Variants in EEF1A2 observed in about 807,000 individuals in gnomAD.
EEF1A2 encodes the protein elongation factor 1-alpha 2.
EEF1A2 carries 5 observed loss-of-function variants against 39.3 expected under a neutral mutation model. The observed-to-expected ratio is 0.13, with a 90% CI of 0.07 to 0.27. EEF1A2 has a LOEUF of 0.27. EEF1A2 is among the 10% of genes least tolerant of loss of function. EEF1A2 has a pLI of 1.00. For synonymous variants in EEF1A2, 287 were observed against 293.7 expected, an observed-to-expected ratio of 0.98 and a Z score of 0.23; for missense variants, 218 against 681.4, an observed-to-expected ratio of 0.32 and a Z score of 7.57.
chr20:63,493,357 G>T, intron 4 of EEF1A2, 70 bp from the exon 5 acceptor site: 1 of 1,443,466 alleles, frequency 6.9e-7, no homozygotes, highest in Non-Finnish European at 9.2e-7. Flanking sequence ...GCCTCCCCAG[G>T]GTGCTTCCAG....
In EEF1A2 at chr20:63,492,989, A is replaced by G; in HGVS notation, c.772+148T>C. ...GGTGGGGAGGTGGGTGGATGGATGG[A>G]TGGATGTGGGATGGACTGTCCCACA... On this transcript the variant is annotated intron_variant, in intron 5 of 7. Coordinates refer to ENST00000217182, the MANE Select transcript of EEF1A2 (RefSeq NM_001958.5). 1.4e-5 allele frequency: 15 copies of G among 1,087,814 alleles called. No homozygotes were observed. The South Asian group carries it at 2.7e-4, about 20-fold the overall frequency. 67.4% of individuals were successfully genotyped at this position (1,087,814 alleles called of 1,614,324 possible). A position where few individuals can be genotyped will look rare whatever the true frequency, so the allele number is the denominator to read the frequency against.
intron 2 of EEF1A2, chr20:63,496,292 G>A: frequency 1.9e-6 from 1 of 536,742 alleles, no homozygotes; most frequent in Non-Finnish European, 3.3e-6. Flanking sequence ...GTGGCGCAAG[G>A]GCCTGGGAGT....
chr20:63,495,332 G>A lies in EEF1A2; in HGVS notation c.325-231C>T, dbSNP rs142059873. ...GTTCAGCCCTGGCTCCACCACCAGT[G>A]GGCTGTGTGTCCCTGGACAAGTCAC... On this transcript the variant is annotated intron_variant, in intron 3 of 7. Coordinates refer to ENST00000217182, the MANE Select transcript of EEF1A2 (RefSeq NM_001958.5). Among the ~76,000 whole-genome samples the A allele has an allele frequency of 0.02, 3,044 of 152,358 alleles. 45 individuals carry two copies. The highest frequency in any genetic ancestry group is 0.028 in the Non-Finnish European group (1,935 of 68,020).
At chr20:63,495,479 G>A (rs542445740) in intron 3 of EEF1A2, among the ~76,000 whole-genome samples, 14 of 152,310 alleles carry the variant, frequency 9.2e-5, no homozygotes, top group African/African-American at 2.6e-4. Flanking sequence ...GTGTCCGTGC[G>A]TCTCTGTGAG....
At chr20:63,492,472 AGATG>A (rs1568996217) in intron 5 of EEF1A2, among the ~76,000 whole-genome samples, 18 of 39,448 alleles carry the variant, frequency 4.6e-4, no homozygotes, top group South Asian at 2.1e-3. Flanking sequence ...ATGGATGGAG[AGATG>A]GATGGATGGA....
At position 63,497,835 on chromosome 20, in the gene EEF1A2, CTG is replaced by C; in HGVS notation, c.-71-3_-71-2del. The C allele has an allele frequency of 6.4e-7, 1 of 1,557,006 alleles. No homozygotes were observed. The highest frequency in any genetic ancestry group is 1.2e-5 in the South Asian group (1 of 82,310). Reference sequence around the variant, plus strand: ...CAGGGCGAGGGGGGCTGCAGTGATTCTGTGGGGCCAGTGGTGGTGGGGAGACC... The same window carrying C: ...CAGGGCGAGGGGGGCTGCAGTGATTCTGGGGCCAGTGGTGGTGGGGAGACC... On this transcript the variant is annotated splice_acceptor_variant and splice_polypyrimidine_tract_variant and intron_variant, in intron 1 of 7. Transcript: ENST00000217182. LOFTEE classifies it low-confidence loss of function (5UTR_SPLICE). This position sits in a 1 kb window ranked among gnomAD's most constrained non-coding sequence, Gnocchi z 7.3.
In EEF1A2 at chr20:63,494,944, G is replaced by T. The variant is rs775835714; in HGVS notation, c.482C>A (p.Ala161Asp). 4 of 1,612,802 alleles carry T rather than the reference G, an allele frequency of 2.5e-6. No homozygotes were observed. Among genetic ancestry groups the T allele is most frequent in the Non-Finnish European group, 3.4e-6 (4 of 1,179,990 alleles). ...GVNKMDSTEP[A>D]YSEKRYDEIV... ...CTCGTCGTAGCGCTTCTCGCTGTAG[G>T]CCGGCTCTGTGGAGTCCATTTTGTT... The change falls in exon 4 of 8, where the codon GCC (alanine) becomes GAC (aspartate). Residue 161 changes from alanine to aspartate, a missense_variant. Transcript: ENST00000217182.
At chr20:63,495,179 C>T in intron 3 of EEF1A2, 78 bp from the exon 4 acceptor site, 2 of 1,538,602 alleles carry the variant, frequency 1.3e-6, no homozygotes, top group Non-Finnish European at 1.7e-6. Context: ...CACCTCACTT[C>T]CAGGCCTCTC....
Position 63,498,958 on chromosome 20 carries a change from T to G in EEF1A2, c.-72+100A>C, listed in dbSNP as rs181882707. ...GACTCCGGGCGCGCGCGGGGGCGGGTGCGGGGCCCGGCCACCCTCTGCCCC... is the reference window on the plus strand; with the variant it reads ...GACTCCGGGCGCGCGCGGGGGCGGGGGCGGGGCCCGGCCACCCTCTGCCCC... On this transcript the variant is annotated intron_variant, in intron 1 of 7. Transcript: ENST00000217182. This position sits in a 1 kb window ranked among gnomAD's most constrained non-coding sequence, Gnocchi z 4.1. 17,714 of 141,120 alleles carry G rather than the reference T, an allele frequency of 0.13. 1,694 individuals carry two copies. The highest frequency in any genetic ancestry group is 0.49 in the East Asian group (2,371 of 4,866). The allele number at this position is 141,120 out of a possible 1,614,324, so 8.7% of individuals were successfully genotyped here.
chr20:63,492,296 AGGTGGGTGAGTGGAT>A (rs2082388095), intron 5 of EEF1A2, among the ~76,000 whole-genome samples: 2 of 119,048 alleles, frequency 1.7e-5, no homozygotes, highest in African/African-American at 3.3e-5. Context: ...ATGGGTGGGT[AGGTGGGTGAGTGGAT>A]GAATGGATGG....
In EEF1A2 at chr20:63,495,929, T is replaced by G; in HGVS notation, c.251A>C (p.Lys84Thr). Residue 84 changes from lysine to threonine, a missense_variant, in exon 3 of 8, where the codon AAG (lysine) becomes ACG (threonine). By Grantham distance (78) the Lys-to-Thr change is moderately conservative (BLOSUM62 -1). Around this residue, in one of 4 missense-constraint regions of EEF1A2, gnomAD observed 28 missense variants for 156.2 expected, o/e 0.18. Transcript: ENST00000217182. Reference sequence around the variant, plus strand: ...GGCATCGATGATGGTGATGTAGTACTTGGTGGTCTCGAACTTCCAGAGGGA... The same window carrying G: ...GGCATCGATGATGGTGATGTAGTACGTGGTGGTCTCGAACTTCCAGAGGGA... ...DISLWKFETTKYYITIIDAPG... is the reference protein window; with the variant it reads ...DISLWKFETTTYYITIIDAPG... 6.2e-7 allele frequency: 1 copy of G among 1,613,384 alleles called. No homozygotes were observed. Among genetic ancestry groups the G allele is most frequent in the Non-Finnish European group, 8.5e-7 (1 of 1,179,964 alleles).
rs181488381 is a variant in EEF1A2, at chr20:63,497,593, G to A, written c.144+27C>T. ...GGAGTTGGGGGTTCCTTCTCAGGGGGCCAAGACCATAGCCTGGGGAGCTCA... is the reference window on the plus strand; with the variant it reads ...GGAGTTGGGGGTTCCTTCTCAGGGGACCAAGACCATAGCCTGGGGAGCTCA... On this transcript the variant is annotated intron_variant, in intron 2 of 7. Transcript: ENST00000217182. The surrounding 1 kb of genome is among the most constrained non-coding windows in gnomAD (Gnocchi z 7.3). 1.5e-3 allele frequency: 2,373 copies of A among 1,603,300 alleles called. 24 individuals are homozygous for A. The African/African-American group carries it at 0.027, about 18-fold the overall frequency.
intron 4 of EEF1A2, among the ~76,000 whole-genome samples, chr20:63,494,400 C>T (rs1443425544): frequency 6.6e-6 from 1 of 152,216 alleles, no homozygotes; most frequent in Admixed American, 6.5e-5. Flanking sequence ...GGGGAGGCAG[C>T]CAAGGAGGCC....
In EEF1A2 at chr20:63,495,768, T is replaced by C. The variant is rs310618; in HGVS notation, c.324+88A>G. The C allele has an allele frequency of 0.36, 551,799 of 1,511,994 alleles. 109,392 individuals carry two copies. Among genetic ancestry groups the C allele is most frequent in the African/African-American group, 0.72 (52,545 of 72,890 alleles). The allele number at this position is 1,511,994 out of a possible 1,614,324, so 93.7% of individuals were successfully genotyped here. On this transcript the variant is annotated intron_variant, in intron 3 of 7. Coordinates refer to ENST00000217182, the MANE Select transcript of EEF1A2 (RefSeq NM_001958.5). ...CCCTCACAGGAAGCACAGGAGACCC[T>C]ACCATCCCAGTGACCCCAGGGGCCC...
rs1413300608 is a variant in EEF1A2 at position 63,497,160 on chromosome 20, C to G, written c.144+460G>C. On this transcript the variant is annotated intron_variant, in intron 2 of 7. Coordinates refer to ENST00000217182, the MANE Select transcript of EEF1A2 (RefSeq NM_001958.5). This position sits in a 1 kb window ranked among gnomAD's most constrained non-coding sequence, Gnocchi z 7.3. The stretch of plus-strand genomic sequence containing the variant: ...GGCTGCCCTGGACAGCAGCCCTCCA[C>G]AGCCCAGCACAAGAAAATGGAGCAG... 1 of 153,924 alleles carries G rather than the reference C, an allele frequency of 6.5e-6. No individual in the cohort carries two copies. The highest frequency in any genetic ancestry group is 1.4e-5 in the Non-Finnish European group (1 of 69,394). 9.5% of individuals were successfully genotyped at this position (153,924 alleles called of 1,614,324 possible). A position where few individuals can be genotyped will look rare whatever the true frequency, so the allele number is the denominator to read the frequency against.
chr20:63,492,941 G>A (rs890540403), intron 5 of EEF1A2, among the ~76,000 whole-genome samples, 196 bp downstream of exon 5: 2 of 142,314 alleles, frequency 1.4e-5, no homozygotes, highest in Non-Finnish European at 3.1e-5. Flanking sequence ...TGGATGGGTG[G>A]ATGGATGGAC....
chr20:63,490,362 G>T, intron 6 of EEF1A2, 117 bp downstream of exon 6: 1 of 1,367,600 alleles, frequency 7.3e-7, no homozygotes, highest in Admixed American at 2.3e-5. Context: ...ACTGCGCCCA[G>T]CCTGAGGGTC....
At chr20:63,496,248 C>T (rs902931111) in intron 2 of EEF1A2, 2 of 596,638 alleles carry the variant, frequency 3.4e-6, no homozygotes, top group Admixed American at 6.2e-5. Context: ...GCACCTGCTC[C>T]GAAATGGGCG....
chr20:63,488,706 G>A (rs1187223155), intron 7 of EEF1A2, among the ~76,000 whole-genome samples: 1 of 152,188 alleles, frequency 6.6e-6, no homozygotes. Flanking sequence ...TCGGGGCCTC[G>A]TCTGCACACA....
Sources: allele counts gnomAD v4.1 joint callset (sites outside exome capture counted in the v4.1 genomes callset), GRCh38; gene constraint gnomAD v4.1.1; regional missense constraint gnomAD v4.1.1; non-coding constraint Gnocchi (gnomAD v3.1); transcripts MANE v1.5; gene names NCBI Gene and HGNC (gene_info 2026-07-23, HGNC 2026-07-21).